ISM2: variants seen among roughly 807,000 people sequenced by gnomAD.
ISM2 encodes isthmin-2.
In ISM2, 50 loss-of-function variants were observed where a neutral mutation model predicts 58.0. That is an observed-to-expected ratio of 0.86 (90% CI 0.69 to 1.09). ISM2 has a LOEUF of 1.09. Ranked by LOEUF, ISM2 falls within the 50% of genes least tolerant of loss-of-function variation. ISM2 has a pLI of 0.00. For synonymous variants in ISM2, 303 were observed against 312.4 expected (o/e 0.97, Z 0.32); for missense variants, 723 against 745.0 (o/e 0.97, Z 0.34).
chr14:77,482,755 G>T, intron 3 of ISM2, 88 bp from the exon 4 acceptor site: 1 of 806,066 alleles, frequency 1.2e-6, no homozygotes, highest in Non-Finnish European at 1.9e-6. Context: ...AGGGTCAGAG[G>T]TGAGAGGCCC....
chr14:77,498,676 C>A lies in ISM2; in HGVS notation c.118G>T (p.Gly40Trp). Residue 40 changes from glycine (G) to tryptophan (W), a missense_variant, in exon 1 of 7, where the codon GGG becomes TGG. Physicochemically the swap from Gly to Trp is radical, Grantham distance 184 (BLOSUM62 -2). Transcript: ENST00000342219. ...ACCTCTGCGAGCCTCGTGAGGCTCC[C>A]AGGCCGTGGTCCGCGGAGCCGCGGC... Reference protein sequence around the residue: ...KKPRLRGPRPGSLTRLAEVSA... With the variant: ...KKPRLRGPRPWSLTRLAEVSA... The A allele has an allele frequency of 6.8e-7, 1 of 1,478,658 alleles. No homozygotes were observed. Among genetic ancestry groups the A allele is most frequent in the Non-Finnish European group, 8.9e-7 (1 of 1,122,648 alleles). 91.6% of individuals were successfully genotyped at this position (1,478,658 alleles called of 1,614,324 possible).
At position 77,490,408 on chromosome 14, in the gene ISM2, C is replaced by T. The variant is rs1171116426; in HGVS notation, c.142-5489G>A. Among the ~76,000 whole-genome samples the T allele has an allele frequency of 1.1e-4, 5 of 44,386 alleles. 1 individual carries two copies. In the South Asian group the frequency reaches 2.2e-3, roughly 20 times the overall value. The allele number at this position is 44,386 out of a possible 152,430, so 29.1% of individuals were successfully genotyped here. A position where few individuals can be genotyped will look rare whatever the true frequency, so the allele number is the denominator to read the frequency against. The stretch of plus-strand genomic sequence containing the variant: ...AGAAAAAGAACGGAGCCAGTCTTGC[C>T]GATCACCCTATATGTACAGACTCAC... On this transcript the variant is annotated intron_variant, in intron 1 of 6. Transcript: ENST00000342219.
At chr14:77,492,536 T>TC (rs1491453625) in intron 1 of ISM2, among the ~76,000 whole-genome samples, 3 of 98,268 alleles carry the variant, frequency 3.1e-5, no homozygotes, top group Admixed American at 1.0e-4. Flanking sequence ...TTTTTTTTTT[T>TC]CAAGACAGGG....
intron 6 of ISM2, 56 bp from the exon 7 acceptor site, chr14:77,476,168 G>A (rs1184838706): frequency 1.3e-6 from 2 of 1,493,184 alleles, no homozygotes; most frequent in Non-Finnish European, 1.8e-6. Context: ...AGGCCCGTGT[G>A]GGGCGGGGAC....
At chr14:77,481,906 C>T (rs2079134320) in intron 4 of ISM2, among the ~76,000 whole-genome samples, 1 of 151,000 alleles carries the variant, frequency 6.6e-6, no homozygotes, top group Admixed American at 6.6e-5. Flanking sequence ...TTGAGACCAG[C>T]CTCTGCAACA....
At chr14:77,485,884 CCT>C (rs1338993969) in intron 1 of ISM2, among the ~76,000 whole-genome samples, 1 of 152,238 alleles carries the variant, frequency 6.6e-6, no homozygotes, top group Non-Finnish European at 1.5e-5. Flanking sequence ...CCCATCTCTG[CCT>C]CTTACTAACT....
At chr14:77,476,583 GCCACTTTGGGCCT>G (rs2079099943) in intron 6 of ISM2, among the ~76,000 whole-genome samples, 1 of 152,158 alleles carries the variant, frequency 6.6e-6, no homozygotes, top group Non-Finnish European at 1.5e-5. Context: ...GAGTCATTTG[GCCACTTTGGGCCT>G]CCTGTGGCCC....
At chr14:77,479,444 C>T (rs1371404440) in intron 4 of ISM2, among the ~76,000 whole-genome samples, 5 of 150,092 alleles carry the variant, frequency 3.3e-5, no homozygotes, top group East Asian at 3.9e-4. Context: ...AGTGCAGTGG[C>T]GTGATCTCGG....
At chr14:77,478,020 G>A (rs983496075) in intron 6 of ISM2, among the ~76,000 whole-genome samples, 5 of 152,098 alleles carry the variant, frequency 3.3e-5, no homozygotes, top group East Asian at 1.9e-4. Context: ...AAGCTCTGCC[G>A]CTCCCATTAA....
intron 4 of ISM2, among the ~76,000 whole-genome samples, chr14:77,478,939 A>G (rs1050043595): frequency 2.6e-5 from 4 of 152,208 alleles, no homozygotes; most frequent in Non-Finnish European, 5.9e-5. Context: ...CTGAAAAGAC[A>G]GTATAACGCC....
intron 3 of ISM2, chr14:77,483,997 T>C: frequency 4.8e-6 from 1 of 208,842 alleles, no homozygotes; most frequent in Non-Finnish European, 9.6e-6. Flanking sequence ...CTTAGATTCC[T>C]GGAATCCCTT....
chr14:77,487,222 G>GCAA (rs1017330730), intron 1 of ISM2, among the ~76,000 whole-genome samples: 118 of 150,372 alleles, frequency 7.8e-4, no homozygotes, highest in Non-Finnish European at 9.4e-4. Context: ...TCCAGCCTGG[G>GCAA]CAACAGAGTG....
rs199870024 is a variant in ISM2 at position 77,476,074 on chromosome 14, C to T, written c.1237G>A (p.Asp413Asn). Residue 413 changes from aspartate (D) to asparagine (N), a missense_variant, in exon 7 of 7, where the codon GAC becomes AAC. By Grantham distance (23) the Asp-to-Asn change is conservative. Transcript: ENST00000342219. ...TGGCTCAGATACTTGATTAGGAAGT[C>T]GCTCTTGCAGTTCAGCCACTTCTCA... ...SCEKWLNCKS[D>N]FLIKYLSQML... 32 of 1,528,312 alleles carry T rather than the reference C, an allele frequency of 2.1e-5. No homozygotes were observed. The Admixed American group carries it at 5.5e-4, about 26-fold the overall frequency. The allele number at this position is 1,528,312 out of a possible 1,614,324, so 94.7% of individuals were successfully genotyped here. A position where few individuals can be genotyped will look rare whatever the true frequency, so the allele number is the denominator to read the frequency against.
chr14:77,476,017 C>T lies in ISM2; in HGVS notation c.1294G>A (p.Ala432Thr). The change falls in exon 7 of 7, where the codon GCC (alanine) becomes ACC (threonine). Residue 432 changes from alanine (A) to threonine (T), a missense_variant. Coordinates refer to ENST00000342219, the MANE Select transcript of ISM2 (RefSeq NM_199296.3). Reference protein sequence around the residue: ...MLRDLPSCPCAYPLEAMDSPV... With the variant: ...MLRDLPSCPCTYPLEAMDSPV... ...CTGTCCATGGCCTCCAGTGGGTAGG[C>T]ACACGGGCAGCTGGGCAGGTCCCGC... The T allele has an allele frequency of 1.3e-6, 2 of 1,579,598 alleles. No homozygotes were observed. Among genetic ancestry groups the T allele is most frequent in the Non-Finnish European group, 1.7e-6 (2 of 1,166,150 alleles).
intron 1 of ISM2, among the ~76,000 whole-genome samples, chr14:77,497,571 G>A (rs1174048982): frequency 4.0e-5 from 6 of 151,506 alleles, no homozygotes; most frequent in Admixed American, 4.0e-4. Context: ...GTGCATGCCT[G>A]CGCTCCCAGG....
intron 1 of ISM2, among the ~76,000 whole-genome samples, chr14:77,497,968 C>T (rs1434547349): frequency 6.6e-6 from 1 of 152,190 alleles, no homozygotes; most frequent in Non-Finnish European, 1.5e-5. Flanking sequence ...CTGTCTTTGT[C>T]CCCATGGGAA....
chr14:77,485,660 C>T (rs1451988078), intron 1 of ISM2, among the ~76,000 whole-genome samples: 1 of 152,266 alleles, frequency 6.6e-6, no homozygotes, highest in African/African-American at 2.4e-5. Flanking sequence ...TCAGTGGCTG[C>T]CACCTGCCTC....
chr14:77,490,047 T>C (rs534008951), intron 1 of ISM2, among the ~76,000 whole-genome samples: 15 of 152,214 alleles, frequency 9.9e-5, no homozygotes, highest in Admixed American at 2.0e-4. Context: ...GTATTTTTAA[T>C]AGAGATGGGG....
rs527501698 is a variant in ISM2, at chr14:77,491,820, C to T, written c.141+6833G>A. Among the ~76,000 whole-genome samples the T allele has an allele frequency of 2.2e-4, 33 of 151,462 alleles. 1 individual carries two copies. The East Asian group carries it at 4.9e-3, about 22-fold the overall frequency. The stretch of plus-strand genomic sequence containing the variant: ...AAGCGATTCTCATGCCTCAGCCTCC[C>T]GAGTAGCTGGGATTACAGGCCCCTG... On this transcript the variant is annotated intron_variant, in intron 1 of 6. Coordinates refer to ENST00000342219, the MANE Select transcript of ISM2 (RefSeq NM_199296.3).
Sources: gnomAD v4.1 joint callset for allele counts (sites outside exome capture counted in the v4.1 genomes callset) on GRCh38, gnomAD v4.1.1 for gene constraint, MANE v1.5 for transcripts, NCBI Gene and HGNC (gene_info 2026-07-23, HGNC 2026-07-21) for gene names.